TCTN3: variants seen among roughly 807,000 people sequenced by gnomAD.
TCTN3 encodes the protein tectonic-3.
Under a neutral mutation model 71.3 loss-of-function variants are expected in TCTN3, and 57 were observed. That is an observed-to-expected ratio of 0.80 (90% confidence interval 0.65 to 1.00). TCTN3 has a LOEUF of 1.00. Ranked by LOEUF, TCTN3 falls within the 50% of genes least tolerant of loss-of-function variation. TCTN3 has a pLI of 0.00. For synonymous variants in TCTN3, 258 were observed against 267.8 expected (o/e 0.96, Z 0.36); for missense variants, 696 against 719.9 (o/e 0.97, Z 0.38).
intron 13 of TCTN3, among the ~76,000 whole-genome samples, chr10:95,665,325 C>G (rs1359173273): frequency 1.3e-5 from 2 of 152,182 alleles, no homozygotes; most frequent in African/African-American, 4.8e-5. Flanking sequence ...GTCACCCAGG[C>G]TGAAGTGCAG....
intron 3 of TCTN3, among the ~76,000 whole-genome samples, chr10:95,688,075 G>C (rs2099425415): frequency 6.6e-6 from 1 of 152,126 alleles, no homozygotes; most frequent in Non-Finnish European, 1.5e-5. Context: ...GAATGTGTAT[G>C]ATCAGCAATT....
intron 13 of TCTN3, among the ~76,000 whole-genome samples, chr10:95,676,377 T>C (rs2139719732): frequency 6.6e-6 from 1 of 152,106 alleles, no homozygotes; most frequent in East Asian, 1.9e-4. Flanking sequence ...GTAATTTTTG[T>C]ATTTTTAGTA....
rs889644807 is a variant in TCTN3 at position 95,687,194 on chromosome 10, G to C, written c.737-35C>G. On this transcript the variant is annotated intron_variant, in intron 5 of 13. Transcript: ENST00000371217. ...AAATAATTAAGAGAGTGGTAAATGA[G>C]AAAGCCTGTTTTAAATTGAATGAAA... 6.8e-6 allele frequency: 11 copies of C among 1,612,064 alleles called. No individual in the cohort carries two copies. The African/African-American group carries it at 1.5e-4, about 22-fold the overall frequency.
At chr10:95,679,214 G>A (rs779743101) in intron 13 of TCTN3, among the ~76,000 whole-genome samples, 5 of 152,056 alleles carry the variant, frequency 3.3e-5, no homozygotes, top group Non-Finnish European at 5.9e-5. Flanking sequence ...ACAAAAAAAA[G>A]GCACTGAGTG....
At chr10:95,686,132 G>A (rs866898259) in intron 7 of TCTN3, among the ~76,000 whole-genome samples, 82 of 152,354 alleles carry the variant, frequency 5.4e-4, no homozygotes, top group African/African-American at 1.8e-3. Context: ...GGAGGCTGAG[G>A]TAGAAGGATT....
At chr10:95,692,448 G>A (rs926782708) in intron 3 of TCTN3, among the ~76,000 whole-genome samples, 5 of 152,148 alleles carry the variant, frequency 3.3e-5, no homozygotes, top group Non-Finnish European at 7.3e-5. Flanking sequence ...GGAGGTTGCA[G>A]TGAGCTGAGA....
At chr10:95,665,529 G>T (rs1472464535) in intron 13 of TCTN3, among the ~76,000 whole-genome samples, 1 of 152,034 alleles carries the variant, frequency 6.6e-6, no homozygotes, top group African/African-American at 2.4e-5. Flanking sequence ...GATCTGCCCA[G>T]TTCAGCCTCC....
At chr10:95,683,065 G>T in intron 11 of TCTN3, 36 bp downstream of exon 11, 1 of 1,573,122 alleles carries the variant, frequency 6.4e-7, no homozygotes, top group Non-Finnish European at 8.7e-7. Flanking sequence ...ACATATTCCC[G>T]AAATTGCAGG....
chr10:95,689,597 G>T lies in TCTN3; in HGVS notation c.500-1878C>A, dbSNP rs920808270. ...ATATCTATCTGGCTATTTTTTCATGGCTTAAATGAATAAGAGAAAGTTTAC... is the reference window on the plus strand; with the variant it reads ...ATATCTATCTGGCTATTTTTTCATGTCTTAAATGAATAAGAGAAAGTTTAC... On this transcript the variant is annotated intron_variant, in intron 3 of 13. Transcript: ENST00000371217. Among the ~76,000 whole-genome samples the T allele has an allele frequency of 2.0e-5, 3 of 152,158 alleles. No homozygotes were observed. In the South Asian group the frequency reaches 6.2e-4, roughly 32 times the overall value.
intron 13 of TCTN3, among the ~76,000 whole-genome samples, chr10:95,676,011 A>G (rs942847701): frequency 6.6e-6 from 1 of 152,246 alleles, no homozygotes; most frequent in Admixed American, 6.5e-5. Flanking sequence ...CAGAACCACT[A>G]AGACAGACAG....
chr10:95,688,444 G>A (rs894561162), intron 3 of TCTN3, among the ~76,000 whole-genome samples: 6 of 146,582 alleles, frequency 4.1e-5, no homozygotes, highest in Admixed American at 1.4e-4. Context: ...TAGGAAGCTC[G>A]ATAATGCTCA....
chr10:95,681,080 A>G (rs2097942534), intron 12 of TCTN3, among the ~76,000 whole-genome samples: 1 of 135,550 alleles, frequency 7.4e-6, no homozygotes. Context: ...CCGACCTCTG[A>G]TCTTTTTTTT....
intron 13 of TCTN3, among the ~76,000 whole-genome samples, chr10:95,670,510 C>T (rs1250770704): frequency 4.0e-5 from 6 of 151,856 alleles, no homozygotes; most frequent in Admixed American, 2.0e-4. Context: ...AGGCGTGTGC[C>T]ACCTTGCACA....
intron 4 of TCTN3, 89 bp from the exon 5 acceptor site, chr10:95,687,444 G>A: frequency 6.6e-7 from 1 of 1,506,578 alleles, no homozygotes; most frequent in Non-Finnish European, 9.0e-7. Context: ...GTTAACTCAA[G>A]GGCATGATTA....
At chr10:95,680,081 A>G (rs1371756829) in intron 13 of TCTN3, among the ~76,000 whole-genome samples, 3 of 152,228 alleles carry the variant, frequency 2.0e-5, no homozygotes, top group African/African-American at 7.2e-5. Context: ...AACTAGTCAC[A>G]GCGGTAACTT....
rs370442360 is a variant in TCTN3, at chr10:95,683,632, G to A, written c.1096-3C>T. ...GCAGCTGTGCTCTGTTGAAAAGCCT[G>A]CAGAAAGAGGGAAGAGAAGTCAATT... On this transcript the variant is annotated splice_polypyrimidine_tract_variant and splice_region_variant and intron_variant, in intron 9 of 13. Coordinates refer to ENST00000371217, the MANE Select transcript of TCTN3 (RefSeq NM_015631.6). 2.5e-6 allele frequency: 4 copies of A among 1,601,842 alleles called. No homozygotes were observed. The African/African-American group carries it at 5.4e-5, about 22-fold the overall frequency.
chr10:95,686,662 C>T (rs371962995), intron 6 of TCTN3, 132 bp from the exon 7 acceptor site: 4 of 828,126 alleles, frequency 4.8e-6, no homozygotes, highest in Non-Finnish European at 7.8e-6. Context: ...TGATTTACTT[C>T]CTCTATTCCA....
intron 13 of TCTN3, among the ~76,000 whole-genome samples, chr10:95,672,589 T>C (rs2097932743): frequency 6.6e-6 from 1 of 152,094 alleles, no homozygotes; most frequent in South Asian, 2.1e-4. Flanking sequence ...TAGCGCACGG[T>C]TTTAATTTGC....
chr10:95,687,087 G>A lies in TCTN3; in HGVS notation c.809C>T (p.Ser270Leu). 6.2e-7 allele frequency: 1 copy of A among 1,614,188 alleles called. No homozygotes were observed. The highest frequency in any genetic ancestry group is 8.5e-7 in the Non-Finnish European group (1 of 1,180,026). The part of the protein sequence containing the change: ...KNLASSCTLD[S>L]ALNAASYYNF... ...ATAGTAAGAGGCAGCATTGAGGGCT[G>A]AATCCAAGGTACAGCTACTAGCCAG... Residue 270 changes from serine to leucine, a missense_variant, in exon 6 of 14, where the codon TCA (serine) becomes TTA (leucine). Coordinates refer to ENST00000371217, the MANE Select transcript of TCTN3 (RefSeq NM_015631.6).
Sources: gnomAD v4.1 joint callset for allele counts (sites outside exome capture counted in the v4.1 genomes callset) on GRCh38, gnomAD v4.1.1 for gene constraint, MANE v1.5 for transcripts, NCBI Gene and HGNC (gene_info 2026-07-23, HGNC 2026-07-21) for gene names.